CC2D2A: variants seen among roughly 807,000 people sequenced by gnomAD.
The protein encoded by CC2D2A is coiled-coil and C2 domain containing 2A, also known as coiled-coil and C2 domain-containing protein 2A.
A neutral mutation model predicts 212.9 loss-of-function variants in CC2D2A; 155 were observed. The observed-to-expected ratio is 0.73, with a 90% CI of 0.64 to 0.83. The LOEUF is 0.83. Among genes scored for constraint, CC2D2A ranks in the 40% least tolerant of loss-of-function variants. The pLI, the probability that CC2D2A is intolerant of heterozygous loss-of-function variation, is 0.00. For missense variants in CC2D2A, 1,856 were observed against 1,956.2 expected (o/e 0.95, Z 0.97); for synonymous variants, 667 against 686.5 (o/e 0.97, Z 0.44).
At chr4:15,541,507 C>G (rs1260760046) in intron 17 of CC2D2A, among the ~76,000 whole-genome samples, 1 of 152,076 alleles carries the variant, frequency 6.6e-6, no homozygotes, top group Non-Finnish European at 1.5e-5. Context: ...CCCCAACTCA[C>G]CTACTGAAAA....
chr4:15,502,387 C>CTTTTTCT, intron 4 of CC2D2A, 42 bp from the exon 5 acceptor site: 1 of 1,259,652 alleles, frequency 7.9e-7, no homozygotes, highest in Non-Finnish European at 1.1e-6. Context: ...TTTTCTTTTT[C>CTTTTTCT]TTTTTTTTTT....
chr4:15,516,583 G>T, intron 10 of CC2D2A, 42 bp from the exon 11 acceptor site: 3 of 1,584,888 alleles, frequency 1.9e-6, no homozygotes, highest in Non-Finnish European at 2.6e-6. Context: ...TTTTCTGTTC[G>T]ATTAGAAGAA....
chr4:15,597,473 A>T lies in CC2D2A; in HGVS notation c.4496+8A>T, dbSNP rs1182525484. 1.3e-6 allele frequency: 2 copies of T among 1,549,906 alleles called. No individual in the cohort carries two copies. ...AGCTGAGCTACAAGACAGGTAACAT[A>T]ACATCCATAAATCCACATGTAATCT... On this transcript the variant is annotated splice_region_variant and intron_variant, in intron 35 of 36. Coordinates refer to ENST00000424120, the MANE Select transcript of CC2D2A (RefSeq NM_001378615.1).
chr4:15,553,115 C>T, intron 18 of CC2D2A, 43 bp from the exon 19 acceptor site: 8 of 1,543,360 alleles, frequency 5.2e-6, no homozygotes, highest in Non-Finnish European at 7.0e-6. Context: ...AGGCTCAGTC[C>T]CTCTTTCTAA....
At chr4:15,516,146 T>A (rs1577340764) in intron 10 of CC2D2A, 142 bp downstream of exon 10, 3 of 713,040 alleles carry the variant, frequency 4.2e-6, no homozygotes, top group Non-Finnish European at 6.1e-6. Context: ...TTTTTTTTTT[T>A]AACTTTCTCT....
At chr4:15,592,556 C>G (rs1420558583) in intron 33 of CC2D2A, among the ~76,000 whole-genome samples, 1 of 152,142 alleles carries the variant, frequency 6.6e-6, no homozygotes, top group East Asian at 1.9e-4. Context: ...AAAACACTTT[C>G]CCCCTCCGTA....
At chr4:15,535,115 T>C (rs1718057602) in intron 14 of CC2D2A, among the ~76,000 whole-genome samples, 1 of 152,232 alleles carries the variant, frequency 6.6e-6, no homozygotes, top group Non-Finnish European at 1.5e-5. Flanking sequence ...TGCCACTTAG[T>C]ATCTGCTCAG....
intron 3 of CC2D2A, chr4:15,479,333 G>T (rs1714467519): frequency 5.9e-6 from 9 of 1,532,816 alleles, no homozygotes; most frequent in Non-Finnish European, 7.9e-6. Flanking sequence ...TTCAAGGTAA[G>T]TCCTTGGTAA....
At chr4:15,534,602 T>C (rs1205254614) in intron 14 of CC2D2A, among the ~76,000 whole-genome samples, 1 of 152,224 alleles carries the variant, frequency 6.6e-6, no homozygotes, top group Non-Finnish European at 1.5e-5. Flanking sequence ...TTGGTCCCTT[T>C]CTGATTGTTT....
intron 4 of CC2D2A, among the ~76,000 whole-genome samples, chr4:15,501,564 C>G (rs934466463): frequency 7.2e-5 from 11 of 152,154 alleles, no homozygotes; most frequent in African/African-American, 2.4e-4. Flanking sequence ...TTCTTCATCC[C>G]AGTAGAGACA....
chr4:15,499,278 G>A (rs893453873), intron 4 of CC2D2A, among the ~76,000 whole-genome samples: 12 of 152,224 alleles, frequency 7.9e-5, no homozygotes, highest in South Asian at 4.2e-4. Context: ...TGATTGATGC[G>A]TCAATGAAGG....
intron 4 of CC2D2A, among the ~76,000 whole-genome samples, chr4:15,495,668 A>G (rs1463206996): frequency 6.6e-6 from 1 of 152,098 alleles, no homozygotes; most frequent in Non-Finnish European, 1.5e-5. Flanking sequence ...TGTATTTGCT[A>G]TTGTGAATAG....
chr4:15,552,828 G>C (rs1719077342), intron 18 of CC2D2A, among the ~76,000 whole-genome samples: 1 of 152,214 alleles, frequency 6.6e-6, no homozygotes, highest in Non-Finnish European at 1.5e-5. Flanking sequence ...ACTCTGCAAA[G>C]AAGGTGCTAT....
chr4:15,527,660 C>A lies in CC2D2A; in HGVS notation c.1359+4C>A, dbSNP rs762322775. 3.8e-6 allele frequency: 6 copies of A among 1,589,658 alleles called. No individual in the cohort carries two copies. Among genetic ancestry groups the A allele is most frequent in the Non-Finnish European group, 5.1e-6 (6 of 1,165,572 alleles). ...GGCGAAATTTCTTACTGATAAGGTA[C>A]ATGTGATTTCTTCCATAATGATTGT... On this transcript the variant is annotated splice_donor_region_variant and intron_variant, in intron 12 of 36. Transcript: ENST00000424120.
intron 36 of CC2D2A, among the ~76,000 whole-genome samples, chr4:15,600,399 C>T (rs1282086780): frequency 6.6e-6 from 1 of 152,174 alleles, no homozygotes. Flanking sequence ...CCCATTCTGC[C>T]CTCCTCTTCC....
At chr4:15,472,597 C>T (rs760232493) in intron 1 of CC2D2A, among the ~76,000 whole-genome samples, 64 of 150,500 alleles carry the variant, frequency 4.3e-4, no homozygotes, top group South Asian at 1.3e-3. Context: ...CCATATAAAG[C>T]ATTTATTAAC....
chr4:15,478,543 C>T (rs1290527030), intron 2 of CC2D2A, among the ~76,000 whole-genome samples, 180 bp from the exon 3 acceptor site: 1 of 152,190 alleles, frequency 6.6e-6, no homozygotes, highest in Non-Finnish European at 1.5e-5. Flanking sequence ...TTTTCGAAAA[C>T]ATGTCTATGT....
intron 31 of CC2D2A, among the ~76,000 whole-genome samples, chr4:15,587,592 T>A (rs1306905201): frequency 6.6e-6 from 1 of 152,182 alleles, no homozygotes; most frequent in Non-Finnish European, 1.5e-5. Context: ...ATAGTGAGTA[T>A]TGATTCTAGA....
At chr4:15,564,195 G>C (rs1336423125) in intron 24 of CC2D2A, 3 of 152,364 alleles carry the variant, frequency 2.0e-5, no homozygotes, top group Non-Finnish European at 4.4e-5. Context: ...GGGAAGATGA[G>C]TCTGAGGAAA....
Sources: gnomAD v4.1 joint callset for allele counts (sites outside exome capture counted in the v4.1 genomes callset) on GRCh38, gnomAD v4.1.1 for gene constraint, MANE v1.5 for transcripts, NCBI Gene and HGNC (gene_info 2026-07-23, HGNC 2026-07-21) for gene names.